Variants in ZNF420 observed in about 807,000 individuals in gnomAD.
ZNF420 encodes ATM and p53-associated KZNF protein.
In ZNF420, 31 loss-of-function variants were observed where a neutral mutation model predicts 44.7. The ratio of observed to expected loss-of-function variants is 0.69; its 90% CI spans 0.52 to 0.94. ZNF420 has a LOEUF of 0.94. Ranked by LOEUF, ZNF420 falls within the 40% of genes least tolerant of loss-of-function variation. The pLI, the probability that ZNF420 is intolerant of heterozygous loss-of-function variation, is 0.00. For synonymous variants in ZNF420, 245 were observed against 267.4 expected, an observed-to-expected ratio of 0.92 and a Z score of 0.82; for missense variants, 681 against 827.9, an observed-to-expected ratio of 0.82 and a Z score of 2.18.
At chr19:37,103,976 TTG>T (rs1555763867) in intron 4 of ZNF420, among the ~76,000 whole-genome samples, 1 of 112,594 alleles carries the variant, frequency 8.9e-6, no homozygotes, top group Non-Finnish European at 1.8e-5. Flanking sequence ...CATTTTTTTT[TTG>T]TCTTTTTTTT....
intron 1 of ZNF420, among the ~76,000 whole-genome samples, chr19:37,041,834 T>A (rs1449190156): frequency 6.6e-6 from 1 of 152,160 alleles, no homozygotes; most frequent in African/African-American, 2.4e-5. Context: ...CACATACACT[T>A]TTTACAGCAT....
intron 1 of ZNF420, among the ~76,000 whole-genome samples, chr19:37,035,235 A>G (rs1967332322): frequency 6.6e-6 from 1 of 152,186 alleles, no homozygotes; most frequent in East Asian, 1.9e-4. Flanking sequence ...CATCCACCCT[A>G]TAAAAGCCTT....
At chr19:37,105,465 T>G (rs1477174376) in intron 4 of ZNF420, among the ~76,000 whole-genome samples, 1 of 148,340 alleles carries the variant, frequency 6.7e-6, no homozygotes, top group South Asian at 2.2e-4. Context: ...TGGCTTAGGA[T>G]TGGCTTGGCA....
intron 1 of ZNF420, among the ~76,000 whole-genome samples, chr19:37,071,567 G>A (rs530053990): frequency 3.9e-5 from 6 of 152,286 alleles, no homozygotes; most frequent in African/African-American, 9.6e-5. Context: ...TTGGGAGGCC[G>A]AGGCAGGTGG....
chr19:37,032,507 G>GAAAA (rs35765701), intron 1 of ZNF420, among the ~76,000 whole-genome samples: 4 of 124,136 alleles, frequency 3.2e-5, no homozygotes, highest in Non-Finnish European at 3.3e-5. Flanking sequence ...CGGTCTTTAA[G>GAAAA]AAAAAAAAAA....
chr19:37,096,583 C>G (rs1392139930), intron 4 of ZNF420, among the ~76,000 whole-genome samples: 1 of 152,144 alleles, frequency 6.6e-6, no homozygotes, highest in Non-Finnish European at 1.5e-5. Context: ...TCAGTTTTTT[C>G]AGACCATTAA....
At chr19:37,054,260 C>G (rs1465172736) in intron 1 of ZNF420, among the ~76,000 whole-genome samples, 2 of 152,212 alleles carry the variant, frequency 1.3e-5, no homozygotes, top group African/African-American at 4.8e-5. Context: ...GTCTGTCACC[C>G]TTTTCTTTGA....
At chr19:37,015,430 T>C (rs185402604) in intron 1 of ZNF420, among the ~76,000 whole-genome samples, 24 of 152,218 alleles carry the variant, frequency 1.6e-4, no homozygotes, top group Non-Finnish European at 3.4e-4. Flanking sequence ...GGGCCCATAG[T>C]CCTGTGGCAC....
At chr19:37,076,947 T>C (rs891505371), upstream of ZNF420, among the ~76,000 whole-genome samples, 1 of 152,218 alleles carries the variant, frequency 6.6e-6, no homozygotes, top group African/African-American at 2.4e-5. Flanking sequence ...CACAGGTTCA[T>C]TCCCTCAAGA....
In ZNF420 at chr19:37,084,793, G is replaced by T. The variant is rs73023537; in HGVS notation, c.-80-4246G>T. Among the ~76,000 whole-genome samples the T allele has an allele frequency of 6.1e-3, 923 of 152,114 alleles. 6 individuals are homozygous for T. The highest frequency in any genetic ancestry group is 0.011 in the Non-Finnish European group (726 of 67,960). Reference sequence around the variant, plus strand: ...GGAATTTGTCTATATTGTTGAAATTGCCAAAATTATTGGCATAGAATTGTA... The same window carrying T: ...GGAATTTGTCTATATTGTTGAAATTTCCAAAATTATTGGCATAGAATTGTA... On this transcript the variant is annotated intron_variant, in intron 2 of 4. Coordinates refer to ENST00000337995, the MANE Select transcript of ZNF420 (RefSeq NM_144689.5).
At chr19:37,056,102 CTCTCTT>C (rs1599621798) in intron 1 of ZNF420, among the ~76,000 whole-genome samples, 1 of 151,968 alleles carries the variant, frequency 6.6e-6, no homozygotes, top group South Asian at 2.1e-4. Flanking sequence ...CTCTCTCTCT[CTCTCTT>C]TCTCTTTCTG....
intron 4 of ZNF420, among the ~76,000 whole-genome samples, chr19:37,122,588 A>T (rs1186743826): frequency 1.3e-5 from 2 of 152,130 alleles, no homozygotes; most frequent in African/African-American, 4.8e-5. Context: ...CATTGTGCAT[A>T]TGTACCCTAA....
rs1309837605 is a variant in ZNF420, at chr19:37,130,197, G to A, written c.*1139G>A. The A allele has an allele frequency of 6.5e-6, 10 of 1,549,838 alleles. No homozygotes were observed. The South Asian group carries it at 1.1e-4, about 17-fold the overall frequency. ...TTGAGAATGGTATCTGGGTGTTATG[G>A]ATCATGGAGCAGAAATACAGAAGGA... On this transcript the variant is annotated 3_prime_UTR_variant, in exon 5 of 5. Coordinates refer to ENST00000337995, the MANE Select transcript of ZNF420 (RefSeq NM_144689.5).
chr19:37,058,144 A>T (rs984297467), intron 1 of ZNF420, among the ~76,000 whole-genome samples: 2 of 152,142 alleles, frequency 1.3e-5, no homozygotes, highest in African/African-American at 4.8e-5. Flanking sequence ...AACACTTCCC[A>T]GTCCATCAGG....
intron 1 of ZNF420, among the ~76,000 whole-genome samples, chr19:37,010,416 C>T (rs1360043499): frequency 6.6e-6 from 1 of 152,118 alleles, no homozygotes; most frequent in Non-Finnish European, 1.5e-5. Flanking sequence ...GCTGCTCTCT[C>T]ACTTGAGAAT....
chr19:37,102,875 A>G (rs1400261061), intron 4 of ZNF420, among the ~76,000 whole-genome samples: 1 of 152,162 alleles, frequency 6.6e-6, no homozygotes, highest in Non-Finnish European at 1.5e-5. Context: ...TGCTAAATCT[A>G]ATTTTTTTCT....
intron 1 of ZNF420, among the ~76,000 whole-genome samples, chr19:37,079,663 G>A (rs1968323744): frequency 6.6e-6 from 1 of 152,176 alleles, no homozygotes; most frequent in South Asian, 2.1e-4. Flanking sequence ...ATGAATAGGA[G>A]TTATTTGCAA....
chr19:37,011,252 T>C (rs768357567), intron 1 of ZNF420, among the ~76,000 whole-genome samples: 8 of 152,336 alleles, frequency 5.3e-5, no homozygotes, highest in Non-Finnish European at 8.8e-5. Flanking sequence ...TCTGGTGGAT[T>C]GGGCAGGTTT....
chr19:37,117,702 G>A (rs1254410814), intron 4 of ZNF420, among the ~76,000 whole-genome samples: 1 of 110,188 alleles, frequency 9.1e-6, no homozygotes, highest in Non-Finnish European at 2.0e-5. Context: ...CAAACCAATG[G>A]CAAAGAAGTT....
Sources: allele counts gnomAD v4.1 joint callset (sites outside exome capture counted in the v4.1 genomes callset), GRCh38; gene constraint gnomAD v4.1.1; transcripts MANE v1.5; gene names NCBI Gene and HGNC (gene_info 2026-07-23, HGNC 2026-07-21).